The following ADRA1A variants were observed in gnomAD, a reference collection of about 807,000 sequenced individuals.
ADRA1A encodes alpha-1A adrenergic receptor.
In ADRA1A, 31 loss-of-function variants were observed where a neutral mutation model predicts 29.6. The observed-to-expected ratio is 1.05, with a 90% CI of 0.79 to 1.41. The LOEUF is 1.41. Among genes scored for constraint, ADRA1A ranks in the 40% most tolerant of loss-of-function variants. The pLI is 0.00. For synonymous variants in ADRA1A, 311 were observed against 254.3 expected (o/e 1.22, Z -2.12); for missense variants, 619 against 601.1 (o/e 1.03, Z -0.31).
chr8:26,795,652 A>G (rs907442360), intron 2 of ADRA1A, among the ~76,000 whole-genome samples: 5 of 152,146 alleles, frequency 3.3e-5, no homozygotes, highest in African/African-American at 1.2e-4. Context: ...AAAAAACAAT[A>G]AAACATTTTT....
At chr8:26,800,649 T>C (rs1426825647) in intron 2 of ADRA1A, among the ~76,000 whole-genome samples, 1 of 152,146 alleles carries the variant, frequency 6.6e-6, no homozygotes, top group Admixed American at 6.5e-5. Flanking sequence ...ACCCAATCAA[T>C]GGTTTTATTG....
chr8:26,827,767 G>T (rs964491164), intron 2 of ADRA1A, among the ~76,000 whole-genome samples: 5 of 152,056 alleles, frequency 3.3e-5, no homozygotes, highest in African/African-American at 1.2e-4. Flanking sequence ...CTTCCCAAAG[G>T]TCTCACTTCC....
downstream of ADRA1A, chr8:26,768,805 G>T: frequency 1.4e-6 from 1 of 704,138 alleles, no homozygotes; most frequent in Non-Finnish European, 1.7e-6. Flanking sequence ...AGATACACAA[G>T]TTCTGTACTG....
intron 2 of ADRA1A, among the ~76,000 whole-genome samples, chr8:26,802,609 C>T (rs1194867038): frequency 3.9e-5 from 6 of 152,102 alleles, no homozygotes; most frequent in Admixed American, 6.5e-5. Flanking sequence ...AGAGAACTCT[C>T]ATACACCGTT....
In ADRA1A at chr8:26,769,670, C is replaced by T. The variant is rs1805993445; in HGVS notation, c.*479G>A. The T allele has an allele frequency of 1.0e-6, 1 of 985,664 alleles. No individual in the cohort carries two copies. Among genetic ancestry groups the T allele is most frequent in the Non-Finnish European group, 1.2e-6 (1 of 830,246 alleles). 61.1% of individuals were successfully genotyped at this position (985,664 alleles called of 1,614,324 possible). ...AAATAATGTGTCTGGATCTCGGCCA[C>T]CATCTTAATGCTCTTCCTCTCTAGG... On this transcript the variant is annotated 3_prime_UTR_variant, in exon 3 of 3. Coordinates refer to ENST00000380573, the MANE Select transcript of ADRA1A (RefSeq NM_000680.4).
chr8:26,839,643 T>C (rs1386859655), intron 2 of ADRA1A, among the ~76,000 whole-genome samples: 2 of 152,156 alleles, frequency 1.3e-5, no homozygotes, highest in African/African-American at 4.8e-5. Flanking sequence ...AAATAAAAGA[T>C]ATTTTGAGAT....
At chr8:26,846,177 G>GTGTTT (rs1241395191) in intron 2 of ADRA1A, among the ~76,000 whole-genome samples, 1 of 152,176 alleles carries the variant, frequency 6.6e-6, no homozygotes, top group Non-Finnish European at 1.5e-5. Flanking sequence ...TTTGGTTCAT[G>GTGTTT]TGTTTTGTTT....
chr8:26,831,394 AAG>A lies in ADRA1A; in HGVS notation c.883+32691_883+32692del, dbSNP rs1375894674. On this transcript the variant is annotated intron_variant, in intron 2 of 2. Transcript: ENST00000380573. This position sits in a 1 kb window ranked among gnomAD's most constrained non-coding sequence, Gnocchi z 5.2. ...AGAGAGAGAGAGAAGGAGAGAGAGA[AAG>A]AGAGAGAGCCTGCTATGCCATGGCC... Among the ~76,000 whole-genome samples, 15 of 151,980 alleles carry A rather than the reference AAG, an allele frequency of 9.9e-5. No homozygotes were observed. Among genetic ancestry groups the A allele is most frequent in the Admixed American group, 9.2e-4 (14 of 15,270 alleles).
At chr8:26,804,245 G>A (rs1359845023) in intron 2 of ADRA1A, among the ~76,000 whole-genome samples, 1 of 151,936 alleles carries the variant, frequency 6.6e-6, no homozygotes, top group African/African-American at 2.4e-5. Flanking sequence ...ATCTGTCTTA[G>A]GACCCATTAC....
intron 2 of ADRA1A, among the ~76,000 whole-genome samples, chr8:26,781,408 A>G (rs770779349): frequency 6.6e-6 from 1 of 152,228 alleles, no homozygotes; most frequent in Non-Finnish European, 1.5e-5. Flanking sequence ...ATGATTCTCA[A>G]TGAATGCTTT....
chr8:26,752,545 A>G (rs77950216), downstream of ADRA1A, among the ~76,000 whole-genome samples: 679 of 152,344 alleles, frequency 4.5e-3, 13 homozygotes, highest in East Asian at 0.049. Flanking sequence ...CTGTGCCTGC[A>G]GCTTGATTTT....
At position 26,831,884 on chromosome 8, in the gene ADRA1A, C is replaced by G. The variant is rs1381502438; in HGVS notation, c.883+32203G>C. On this transcript the variant is annotated intron_variant, in intron 2 of 2. Transcript: ENST00000380573. This position sits in a 1 kb window ranked among gnomAD's most constrained non-coding sequence, Gnocchi z 5.2. ...CTGTGGGCTCCCTGCCCTGTGGAGT[C>G]CTGTGCTCCAGGCTGGCTCCCACCT... Among the ~76,000 whole-genome samples the G allele has an allele frequency of 6.6e-6, 1 of 152,216 alleles. No homozygotes were observed. Among genetic ancestry groups the G allele is most frequent in the Non-Finnish European group, 1.5e-5 (1 of 68,038 alleles).
intron 2 of ADRA1A, chr8:26,779,228 A>G: frequency 2.9e-6 from 2 of 687,586 alleles, no homozygotes; most frequent in Non-Finnish European, 5.3e-6. Flanking sequence ...AGTTCCTGCC[A>G]GAAGAATATG....
intron 2 of ADRA1A, among the ~76,000 whole-genome samples, chr8:26,788,502 G>A (rs547474218): frequency 2.6e-5 from 4 of 152,258 alleles, no homozygotes; most frequent in African/African-American, 9.6e-5. Context: ...CTAGCACCAT[G>A]AGGGTGATGA....
chr8:26,862,757 A>G (rs1235439655), intron 2 of ADRA1A, among the ~76,000 whole-genome samples: 1 of 152,246 alleles, frequency 6.6e-6, no homozygotes, highest in African/African-American at 2.4e-5. Flanking sequence ...TGCTGTCTAA[A>G]ACAGTAGTCA....
At chr8:26,766,046 G>A, downstream of ADRA1A, 1 of 1,613,530 alleles carries the variant, frequency 6.2e-7, no homozygotes, top group Non-Finnish European at 8.5e-7. Context: ...CCAGCTACCT[G>A]GAGATCAGCA....
At chr8:26,751,198 C>T (rs1006556525) in intron 2 of ADRA1A, among the ~76,000 whole-genome samples, 1 of 152,210 alleles carries the variant, frequency 6.6e-6, no homozygotes, top group Non-Finnish European at 1.5e-5. Flanking sequence ...ATCCCAACCT[C>T]ATGATACTGC....
In ADRA1A at chr8:26,865,700, A is replaced by G. The variant is rs1197610125; in HGVS notation, c.-686-45T>C. 3 of 985,702 alleles carry G rather than the reference A, an allele frequency of 3.0e-6. No homozygotes were observed. Among genetic ancestry groups the G allele is most frequent in the African/African-American group, 3.5e-5 (2 of 57,250 alleles). The allele number at this position is 985,702 out of a possible 1,614,324, so 61.1% of individuals were successfully genotyped here. On this transcript the variant is annotated intron_variant, in intron 1 of 2. Transcript: ENST00000380573. This position sits in a 1 kb window ranked among gnomAD's most constrained non-coding sequence, Gnocchi z 7.6. ...AAGGCGGCTTTGAGCTAGGCGCCCC[A>G]GGGAAAGAGGCTGTGCTGAGCTTGA...
intron 2 of ADRA1A, among the ~76,000 whole-genome samples, chr8:26,847,778 C>T (rs565533279): frequency 2.0e-5 from 3 of 152,294 alleles, no homozygotes; most frequent in African/African-American, 7.2e-5. Context: ...TCTTCTGATA[C>T]CATTTAATGA....
Sources: gnomAD v4.1 joint callset for allele counts (sites outside exome capture counted in the v4.1 genomes callset) on GRCh38, gnomAD v4.1.1 for gene constraint, Gnocchi (gnomAD v3.1) non-coding constraint, MANE v1.5 for transcripts, NCBI Gene and HGNC (gene_info 2026-07-23, HGNC 2026-07-21) for gene names.